DPF3: variants seen among roughly 807,000 people sequenced by gnomAD.
DPF3 encodes double PHD fingers 3, also known as zinc finger protein DPF3.
Under a neutral mutation model 56.8 loss-of-function variants are expected in DPF3, and 18 were observed. The observed-to-expected ratio is 0.32, with a 90% confidence interval of 0.22 to 0.47. The LOEUF (loss-of-function observed/expected upper bound fraction) is 0.47. DPF3 is among the 20% of genes least tolerant of loss of function. DPF3 has a pLI of 1.00. For synonymous variants in DPF3, 188 were observed against 180.2 expected (o/e 1.04, Z -0.35); for missense variants, 403 against 488.8 (o/e 0.82, Z 1.65).
chr14:72,748,175 G>A (rs1380134722), intron 3 of DPF3, among the ~76,000 whole-genome samples: 1 of 152,242 alleles, frequency 6.6e-6, no homozygotes, highest in African/African-American at 2.4e-5. Context: ...AATGCTGATA[G>A]TGATATGGAC....
At chr14:72,629,780 C>T in intron 8 of DPF3, 44 bp from the exon 9 acceptor site, 1 of 1,416,382 alleles carries the variant, frequency 7.1e-7, no homozygotes, top group Non-Finnish European at 9.6e-7. Context: ...AAAGTATGAA[C>T]TGCCACCCCT....
At chr14:72,893,021 A>AAGGAAGGC (rs1567273912) in intron 1 of DPF3, among the ~76,000 whole-genome samples, 1 of 135,454 alleles carries the variant, frequency 7.4e-6, no homozygotes, top group African/African-American at 2.7e-5. Context: ...GGAAGGAAGG[A>AAGGAAGGC]AGGATGAAAA....
chr14:72,760,567 C>G (rs1451486119), intron 2 of DPF3, among the ~76,000 whole-genome samples: 1 of 152,124 alleles, frequency 6.6e-6, no homozygotes, highest in Non-Finnish European at 1.5e-5. Context: ...GGGCCTTATT[C>G]TATTAATCAC....
intron 7 of DPF3, among the ~76,000 whole-genome samples, chr14:72,681,820 G>T (rs963943294): frequency 6.6e-6 from 1 of 152,208 alleles, no homozygotes; most frequent in Non-Finnish European, 1.5e-5. Flanking sequence ...GGGCTAGATG[G>T]TCACACGGCC....
chr14:72,798,555 G>A (rs1368691717), intron 1 of DPF3, among the ~76,000 whole-genome samples: 2 of 152,252 alleles, frequency 1.3e-5, no homozygotes, highest in Non-Finnish European at 2.9e-5. Flanking sequence ...ACCAAGGTCA[G>A]ACATGATACC....
At chr14:72,734,484 C>T (rs1479900813) in intron 3 of DPF3, among the ~76,000 whole-genome samples, 3 of 152,204 alleles carry the variant, frequency 2.0e-5, no homozygotes, top group African/African-American at 7.2e-5. Flanking sequence ...GTCTCATGTC[C>T]TGTCCTCAGT....
At chr14:72,873,924 G>C (rs537891243) in intron 1 of DPF3, among the ~76,000 whole-genome samples, 1 of 151,612 alleles carries the variant, frequency 6.6e-6, no homozygotes, top group Non-Finnish European at 1.5e-5. Context: ...GGCCTGTTGT[G>C]GGGTGGGGGG....
chr14:72,689,612 A>G (rs1053985593), intron 7 of DPF3, among the ~76,000 whole-genome samples: 2 of 152,146 alleles, frequency 1.3e-5, no homozygotes, highest in Admixed American at 1.3e-4. Context: ...ATCCCCAAAC[A>G]GTGGGAGCAG....
chr14:72,820,036 G>C (rs1164394172), intron 1 of DPF3, among the ~76,000 whole-genome samples: 2 of 152,186 alleles, frequency 1.3e-5, no homozygotes, highest in Non-Finnish European at 2.9e-5. Context: ...TGAGTACAAA[G>C]AGGCACTAAG....
chr14:72,735,103 C>T (rs1298331652), intron 3 of DPF3, among the ~76,000 whole-genome samples: 1 of 152,114 alleles, frequency 6.6e-6, no homozygotes, highest in Non-Finnish European at 1.5e-5. Flanking sequence ...CCTAATTAGG[C>T]TGCATGGACT....
chr14:72,737,938 A>T (rs994333470), intron 3 of DPF3, among the ~76,000 whole-genome samples: 2 of 152,170 alleles, frequency 1.3e-5, no homozygotes, highest in African/African-American at 4.8e-5. Flanking sequence ...TTCTTCAAAA[A>T]TACAAACATG....
chr14:72,624,877 G>A (rs1394201117), intron 9 of DPF3, among the ~76,000 whole-genome samples: 1 of 152,216 alleles, frequency 6.6e-6, no homozygotes, highest in African/African-American at 2.4e-5. Flanking sequence ...TACCACTAAA[G>A]TAATGTTGTG....
At chr14:72,672,096 C>A (rs1005506520) in intron 8 of DPF3, among the ~76,000 whole-genome samples, 1 of 151,730 alleles carries the variant, frequency 6.6e-6, no homozygotes, top group East Asian at 1.9e-4. Context: ...CAGCCACCAG[C>A]CATGCCCAGG....
intron 9 of DPF3, 21 bp from the exon 10 acceptor site, chr14:72,620,005 C>G: frequency 6.6e-7 from 1 of 1,525,782 alleles, no homozygotes; most frequent in Middle Eastern, 1.7e-4. Flanking sequence ...ACAGAGTAAG[C>G]ACAGAGGAGG....
At chr14:72,670,586 G>A (rs75304008) in intron 8 of DPF3, 35,794 of 986,844 alleles carry the variant, frequency 0.036, 692 homozygotes, top group Middle Eastern at 0.054. Flanking sequence ...TCTCCCCACC[G>A]GGCGGCTTGC....
At chr14:72,632,600 GAAGGAAGA>G (rs1458440117) in intron 8 of DPF3, among the ~76,000 whole-genome samples, 2 of 149,212 alleles carry the variant, frequency 1.3e-5, no homozygotes, top group Non-Finnish European at 3.0e-5. Context: ...AGGAAGGAGG[GAAGGAAGA>G]AAGGAAGGAA....
chr14:72,629,637 G>A lies in DPF3; in HGVS notation c.971C>T (p.Thr324Ile). The A allele has an allele frequency of 6.5e-7, 1 of 1,535,946 alleles. No individual in the cohort carries two copies. The highest frequency in any genetic ancestry group is 8.7e-7 in the Non-Finnish European group (1 of 1,146,762). ...IECKSCILCG[T>I]SENDDQLLFC... ...CCCCAAACTCACATCATTCTCTGAG[G>A]TCCCACAGAGGATACAGGATTTGCA... The change falls in exon 9 of 11, where the codon ACC becomes ATC. Residue 324 changes from threonine to isoleucine, a missense_variant. Physicochemically the swap from Thr to Ile is moderately conservative, Grantham distance 89 (BLOSUM62 -1). Coordinates refer to ENST00000556509, the MANE Select transcript of DPF3 (RefSeq NM_001280542.3).
chr14:72,619,421 C>T, intron 10 of DPF3, 54 bp from the exon 11 acceptor site: 1 of 1,515,916 alleles, frequency 6.6e-7, no homozygotes, highest in South Asian at 1.2e-5. Context: ...TCTGGAGCCC[C>T]ACCCCACTGG....
chr14:72,790,953 T>TCTGCTC (rs1892405543), intron 1 of DPF3, among the ~76,000 whole-genome samples: 1 of 152,168 alleles, frequency 6.6e-6, no homozygotes, highest in African/African-American at 2.4e-5. Flanking sequence ...CCCTCTTCCC[T>TCTGCTC]CTGCTCCTGG....
Sources: gnomAD v4.1 joint callset for allele counts (sites outside exome capture counted in the v4.1 genomes callset) on GRCh38, gnomAD v4.1.1 for gene constraint, MANE v1.5 for transcripts, NCBI Gene and HGNC (gene_info 2026-07-23, HGNC 2026-07-21) for gene names.